NCAM1: variants seen among roughly 807,000 people sequenced by gnomAD.
The protein encoded by NCAM1 is antigen recognized by monoclonal antibody 5.1H11.
In NCAM1, 14 loss-of-function variants were observed where a neutral mutation model predicts 109.8. The ratio of observed to expected loss-of-function variants is 0.13; its 90% CI spans 0.08 to 0.20. The LOEUF is 0.20. Among genes scored for constraint, NCAM1 ranks in the 10% least tolerant of loss-of-function variants. The pLI, the probability that NCAM1 is intolerant of heterozygous loss-of-function variation, is 1.00. For missense variants in NCAM1, 774 were observed against 1,109.9 expected (o/e 0.70, Z 4.30); for synonymous variants, 418 against 442.9 (o/e 0.94, Z 0.70).
chr11:113,228,901 C>T (rs1240409099), intron 9 of NCAM1, among the ~76,000 whole-genome samples: 1 of 152,002 alleles, frequency 6.6e-6, no homozygotes, highest in Non-Finnish European at 1.5e-5. Flanking sequence ...TGAAACTGGA[C>T]CCCTTCCTTA....
chr11:113,104,212 G>T lies in NCAM1; in HGVS notation c.53-98167G>T, dbSNP rs879966231. Among the ~76,000 whole-genome samples the T allele has an allele frequency of 3.9e-4, 51 of 129,758 alleles. 1 individual carries two copies. The highest frequency in any genetic ancestry group is 6.8e-4 in the Non-Finnish European group (41 of 60,504). 85.1% of individuals were successfully genotyped at this position (129,758 alleles called of 152,430 possible). Reference sequence around the variant, plus strand: ...CAGGTGAAGAGGAGGTGGGGTGGGGGGGGGGGCGGGGTGGTGGTGGCGGTG... The same window carrying T: ...CAGGTGAAGAGGAGGTGGGGTGGGGTGGGGGGCGGGGTGGTGGTGGCGGTG... On this transcript the variant is annotated intron_variant, in intron 1 of 19. Transcript: ENST00000316851.
At chr11:113,189,026 A>G (rs1054383596) in intron 1 of NCAM1, among the ~76,000 whole-genome samples, 1 of 152,110 alleles carries the variant, frequency 6.6e-6, no homozygotes, top group African/African-American at 2.4e-5. Flanking sequence ...CCCTGAAAAG[A>G]GTTTGTCCTC....
chr11:113,018,129 T>C (rs1952264882), intron 1 of NCAM1, among the ~76,000 whole-genome samples: 1 of 152,134 alleles, frequency 6.6e-6, no homozygotes, highest in Non-Finnish European at 1.5e-5. Flanking sequence ...GCCAGGCTTG[T>C]GGAATGCCAT....
intron 17 of NCAM1, chr11:113,269,758 C>A: frequency 4.5e-6 from 1 of 222,522 alleles, no homozygotes; most frequent in Non-Finnish European, 9.0e-6. Flanking sequence ...CATTTTGGGC[C>A]CCTATCCCTG....
At chr11:113,078,010 A>C (rs1156822922) in intron 1 of NCAM1, among the ~76,000 whole-genome samples, 1 of 152,046 alleles carries the variant, frequency 6.6e-6, no homozygotes, top group African/African-American at 2.4e-5. Context: ...ATAGTTGCTT[A>C]TTTCAGAGTC....
rs1591255209 is a variant in NCAM1, at chr11:113,021,045, C to T, written c.52+59381C>T. On this transcript the variant is annotated intron_variant, in intron 1 of 19. Transcript: ENST00000316851. ...GTGCTGGGATTACAGGCATGAGCCA[C>T]CGCACCCAAGCTTATTATTTTCTTC... Among the ~76,000 whole-genome samples, 3 of 152,310 alleles carry T rather than the reference C, an allele frequency of 2.0e-5. No homozygotes were observed. In the South Asian group the frequency reaches 6.2e-4, roughly 32 times the overall value.
intron 1 of NCAM1, among the ~76,000 whole-genome samples, chr11:113,097,808 A>C (rs1288567011): frequency 6.6e-6 from 1 of 152,186 alleles, no homozygotes; most frequent in East Asian, 1.9e-4. Context: ...TACTATCATC[A>C]TCAAGATGTA....
chr11:113,237,645 G>A (rs1945203020), intron 14 of NCAM1, among the ~76,000 whole-genome samples: 1 of 152,170 alleles, frequency 6.6e-6, no homozygotes, highest in African/African-American at 2.4e-5. Flanking sequence ...TGGTTCAACT[G>A]AGTCTCCAGG....
At chr11:113,149,800 A>C (rs146532194) in intron 1 of NCAM1, among the ~76,000 whole-genome samples, 2 of 152,242 alleles carry the variant, frequency 1.3e-5, no homozygotes, top group African/African-American at 4.8e-5. Flanking sequence ...TTTATAATGC[A>C]GTTTCTATGG....
Position 112,985,928 on chromosome 11 carries a change from C to A in NCAM1, c.52+24264C>A, listed in dbSNP as rs557818898. On this transcript the variant is annotated intron_variant, in intron 1 of 19. Transcript: ENST00000316851. ...ACTTTTTCTTGTCTAATTGCTCTGG[C>A]TAGGACTTTCAGTACTATTTTAAAC... Among the ~76,000 whole-genome samples, 10 of 152,020 alleles carry A rather than the reference C, an allele frequency of 6.6e-5. No individual in the cohort carries two copies. In the South Asian group the frequency reaches 1.0e-3, roughly 16 times the overall value.
intron 1 of NCAM1, among the ~76,000 whole-genome samples, chr11:113,140,524 G>A (rs782755375): frequency 3.3e-5 from 5 of 152,192 alleles, no homozygotes; most frequent in Non-Finnish European, 5.9e-5. Context: ...CTGATGGTCA[G>A]CTGTAAACCT....
intron 1 of NCAM1, among the ~76,000 whole-genome samples, chr11:113,019,295 G>A (rs1183801673): frequency 2.0e-5 from 3 of 152,090 alleles, no homozygotes; most frequent in East Asian, 1.9e-4. Flanking sequence ...TAACATTTGC[G>A]TGATTTCAAT....
rs1205762885 is a variant in NCAM1 at position 113,023,296 on chromosome 11, C to A, written c.52+61632C>A. On this transcript the variant is annotated intron_variant, in intron 1 of 19. Coordinates refer to ENST00000316851, the MANE Select transcript of NCAM1 (RefSeq NM_181351.5). ...AATTGCCCATTGAAACATTGATTCC[C>A]TCTTAGTAGTCTGACAGTCTTATGC... 5.3e-5 allele frequency among the ~76,000 whole-genome samples: 8 copies of A among 152,130 alleles called. No individual in the cohort carries two copies. In the East Asian group the frequency reaches 1.3e-3, roughly 26 times the overall value.
At chr11:113,060,012 A>G (rs1225363177) in intron 1 of NCAM1, among the ~76,000 whole-genome samples, 1 of 152,246 alleles carries the variant, frequency 6.6e-6, no homozygotes, top group Non-Finnish European at 1.5e-5. Context: ...ATGGATGAAT[A>G]AGAACATAAT....
At chr11:113,102,453 T>C (rs1017627568) in intron 1 of NCAM1, among the ~76,000 whole-genome samples, 2 of 152,150 alleles carry the variant, frequency 1.3e-5, no homozygotes, top group Admixed American at 6.6e-5. Context: ...TTAATCAGTA[T>C]TTTTTTCTGG....
intron 10 of NCAM1, 25 bp downstream of exon 10, chr11:113,231,820 T>TGGGGGAA (rs1555117310): frequency 6.2e-7 from 1 of 1,613,320 alleles, no homozygotes; most frequent in Non-Finnish European, 8.5e-7. Flanking sequence ...GGGAAGGACC[T>TGGGGGAA]GGGGGAGGGA....
rs191552774 is a variant in NCAM1 at position 113,249,662 on chromosome 11, G to A, written c.1828+3292G>A. On this transcript the variant is annotated intron_variant, in intron 15 of 19. Coordinates refer to ENST00000316851, the MANE Select transcript of NCAM1 (RefSeq NM_181351.5). Reference sequence around the variant, plus strand: ...ATTTCTGTCATAACTTCCTCAGCCTGGATCAGCCCCATAACCACAAGCCAT... The same window carrying A: ...ATTTCTGTCATAACTTCCTCAGCCTAGATCAGCCCCATAACCACAAGCCAT... 2.7e-4 allele frequency among the ~76,000 whole-genome samples: 41 copies of A among 152,280 alleles called. 1 individual carries two copies. The East Asian group carries it at 7.5e-3, about 28-fold the overall frequency.
chr11:112,995,614 A>G (rs1016593037), intron 1 of NCAM1, among the ~76,000 whole-genome samples: 2 of 152,218 alleles, frequency 1.3e-5, no homozygotes, highest in Non-Finnish European at 2.9e-5. Flanking sequence ...GCATGCTATT[A>G]TTATCTATTC....
chr11:113,236,156 T>C, intron 14 of NCAM1: 1 of 829,162 alleles, frequency 1.2e-6, no homozygotes, highest in Non-Finnish European at 1.9e-6. Context: ...CTTCTTTCTC[T>C]GGATTTGAAG....
Sources: gnomAD v4.1 joint callset for allele counts (sites outside exome capture counted in the v4.1 genomes callset) on GRCh38, gnomAD v4.1.1 for gene constraint, MANE v1.5 for transcripts, NCBI Gene and HGNC (gene_info 2026-07-23, HGNC 2026-07-21) for gene names.